Variants in ST8SIA4 observed in about 807,000 individuals in gnomAD.
The protein encoded by ST8SIA4 is CMP-N-acetylneuraminate-poly-alpha-2,8-sialyltransferase.
In ST8SIA4, 15 loss-of-function variants were observed where a neutral mutation model predicts 33.9. The ratio of observed to expected loss-of-function variants is 0.44; its 90% CI spans 0.30 to 0.68. The LOEUF (loss-of-function observed/expected upper bound fraction) is 0.68. Ranked by LOEUF, ST8SIA4 falls within the 30% of genes least tolerant of loss-of-function variation. The probability of loss-of-function intolerance (pLI) is 0.10; values close to 1 mark genes in which losing one functional copy is unlikely to be tolerated. For synonymous variants in ST8SIA4, 171 were observed against 151.2 expected (o/e 1.13, Z -0.96); for missense variants, 321 against 428.0 (o/e 0.75, Z 2.21).
At chr5:100,832,843 G>A (rs936890388) in intron 4 of ST8SIA4, among the ~76,000 whole-genome samples, 1 of 151,930 alleles carries the variant, frequency 6.6e-6, no homozygotes, top group South Asian at 2.1e-4. Context: ...TTCCCTCTAT[G>A]TGTCAAGTTT....
intron 4 of ST8SIA4, among the ~76,000 whole-genome samples, chr5:100,819,389 C>A (rs769093978): frequency 2.0e-5 from 3 of 152,198 alleles, no homozygotes; most frequent in Non-Finnish European, 2.9e-5. Context: ...AATCTTTATT[C>A]TCTATTTTTA....
intron 3 of ST8SIA4, among the ~76,000 whole-genome samples, chr5:100,880,289 C>G (rs910867322): frequency 2.0e-5 from 3 of 152,078 alleles, no homozygotes; most frequent in African/African-American, 7.2e-5. Context: ...AATAAATAAA[C>G]ATACAATGCA....
In ST8SIA4 at chr5:100,807,364, CA is replaced by C. The variant is rs1487211129; in HGVS notation, c.*4482del. The C allele has an allele frequency of 6.6e-6, 1 of 152,536 alleles. No homozygotes were observed. The highest frequency in any genetic ancestry group is 6.5e-5 in the Admixed American group (1 of 15,276). The allele number at this position is 152,536 out of a possible 1,614,324, so 9.4% of individuals were successfully genotyped here. ...TTCCACAAATTCTATAAGAAATACT[CA>C]GTAGCAATTATTCTGTGCAGCAATG... On this transcript the variant is annotated 3_prime_UTR_variant, in exon 5 of 5. Transcript: ENST00000231461.
chr5:100,824,761 T>C (rs1375994453), intron 4 of ST8SIA4, among the ~76,000 whole-genome samples: 3 of 152,034 alleles, frequency 2.0e-5, no homozygotes. Flanking sequence ...ACAAAAGATT[T>C]AGTTAATAAG....
chr5:100,834,220 A>G (rs1485956977), intron 4 of ST8SIA4, among the ~76,000 whole-genome samples: 3 of 152,180 alleles, frequency 2.0e-5, no homozygotes. Flanking sequence ...AAAGAATAAT[A>G]AAACATAGAA....
chr5:100,898,730 G>A (rs59522996), intron 1 of ST8SIA4, among the ~76,000 whole-genome samples: 1,614 of 152,248 alleles, frequency 0.011, 25 homozygotes, highest in African/African-American at 0.035. Context: ...TCCTTCCCAT[G>A]AATGCGAAGC....
At chr5:100,852,861 A>C (rs566423137) in intron 4 of ST8SIA4, among the ~76,000 whole-genome samples, 1 of 152,348 alleles carries the variant, frequency 6.6e-6, no homozygotes, top group African/African-American at 2.4e-5. Flanking sequence ...CCATATGAAA[A>C]CTATCTAAAT....
intron 4 of ST8SIA4, among the ~76,000 whole-genome samples, chr5:100,818,717 T>C (rs1750980982): frequency 6.6e-6 from 1 of 152,146 alleles, no homozygotes; most frequent in South Asian, 2.1e-4. Context: ...CAGAAGCTCT[T>C]CATAGTATAC....
intron 3 of ST8SIA4, among the ~76,000 whole-genome samples, chr5:100,861,978 C>G (rs1053453177): frequency 1.3e-5 from 2 of 152,142 alleles, no homozygotes; most frequent in Admixed American, 6.5e-5. Context: ...TTTCCTTTTA[C>G]AATCTATTAT....
intron 4 of ST8SIA4, among the ~76,000 whole-genome samples, chr5:100,827,205 A>G (rs1751166353): frequency 1.3e-5 from 2 of 152,208 alleles, no homozygotes; most frequent in South Asian, 4.1e-4. Context: ...GTTGAAGAGA[A>G]TAAGTTCAAT....
chr5:100,894,428 G>A (rs1354485530), intron 2 of ST8SIA4, among the ~76,000 whole-genome samples: 3 of 151,946 alleles, frequency 2.0e-5, no homozygotes, highest in Non-Finnish European at 4.4e-5. Context: ...CTTGTAGGAG[G>A]CACATGAATA....
At chr5:100,835,070 GTTA>G (rs970203150) in intron 4 of ST8SIA4, among the ~76,000 whole-genome samples, 1 of 151,928 alleles carries the variant, frequency 6.6e-6, no homozygotes, top group African/African-American at 2.4e-5. Context: ...TTACATTCTT[GTTA>G]TTATAGATGT....
intron 4 of ST8SIA4, among the ~76,000 whole-genome samples, chr5:100,848,902 T>C: frequency 6.7e-6 from 1 of 150,202 alleles, no homozygotes; most frequent in East Asian, 1.9e-4. Flanking sequence ...TGTGTCTATG[T>C]GTGTATATAT....
chr5:100,846,201 A>C (rs1227656249), intron 4 of ST8SIA4, among the ~76,000 whole-genome samples: 1 of 151,900 alleles, frequency 6.6e-6, no homozygotes, highest in Non-Finnish European at 1.5e-5. Flanking sequence ...AGTGAAAATA[A>C]TTTCTAGTGC....
chr5:100,883,529 T>C (rs769823622), intron 3 of ST8SIA4, among the ~76,000 whole-genome samples: 2 of 152,096 alleles, frequency 1.3e-5, no homozygotes, highest in Non-Finnish European at 2.9e-5. Context: ...GCATGACTGG[T>C]TTTGAAATGT....
At chr5:100,838,957 A>G (rs1751417477) in intron 4 of ST8SIA4, among the ~76,000 whole-genome samples, 1 of 152,012 alleles carries the variant, frequency 6.6e-6, no homozygotes, top group Non-Finnish European at 1.5e-5. Flanking sequence ...GATTTAAACC[A>G]TAGTGACAAA....
intron 3 of ST8SIA4, among the ~76,000 whole-genome samples, chr5:100,864,681 T>A (rs191202637): frequency 5.9e-4 from 89 of 152,034 alleles, no homozygotes; most frequent in African/African-American, 2.1e-3. Flanking sequence ...GTTCATTACT[T>A]ATTCCCACTG....
chr5:100,897,097 A>T (rs1580489399), intron 1 of ST8SIA4, among the ~76,000 whole-genome samples: 1 of 152,206 alleles, frequency 6.6e-6, no homozygotes, highest in African/African-American at 2.4e-5. Context: ...ATTTCAAAAC[A>T]TCTCAACGAG....
intron 4 of ST8SIA4, among the ~76,000 whole-genome samples, chr5:100,822,217 A>G (rs576737963): frequency 7.2e-4 from 109 of 152,322 alleles, no homozygotes; most frequent in African/African-American, 2.6e-3. Flanking sequence ...ATTTCAGTCT[A>G]TTCAAACCAT....
Sources: allele counts gnomAD v4.1 joint callset (sites outside exome capture counted in the v4.1 genomes callset), GRCh38; gene constraint gnomAD v4.1.1; transcripts MANE v1.5; gene names NCBI Gene and HGNC (gene_info 2026-07-23, HGNC 2026-07-21).